Variants in KCNMA1 observed in about 807,000 individuals in gnomAD.
The protein encoded by KCNMA1 is Calcium-activated potassium channel subunit alpha-1.
KCNMA1 carries 29 observed loss-of-function variants against 140.0 expected under a neutral mutation model. The ratio of observed to expected loss-of-function variants is 0.21; its 90% CI spans 0.15 to 0.28. The LOEUF (loss-of-function observed/expected upper bound fraction) is 0.28. Ranked by LOEUF, KCNMA1 falls within the 10% of genes least tolerant of loss-of-function variation. KCNMA1 has a pLI of 1.00. For missense variants in KCNMA1, 880 were observed against 1,602.2 expected, an observed-to-expected ratio of 0.55 and a Z score of 7.70; for synonymous variants, 612 against 611.9, an observed-to-expected ratio of 1.00 and a Z score of 0.00.
chr10:77,488,515 C>T (rs1432898073), intron 1 of KCNMA1, among the ~76,000 whole-genome samples: 2 of 152,212 alleles, frequency 1.3e-5, no homozygotes, highest in African/African-American at 4.8e-5. Context: ...GCTGAGCCAG[C>T]ATCCCCTTCT....
intron 15 of KCNMA1, among the ~76,000 whole-genome samples, chr10:77,034,364 C>T (rs1329755958): frequency 1.3e-5 from 2 of 152,128 alleles, no homozygotes; most frequent in Admixed American, 1.3e-4. Flanking sequence ...CTGGTTTCTG[C>T]TCCATGTTCA....
chr10:77,441,507 AT>A (rs2097399166), intron 1 of KCNMA1, among the ~76,000 whole-genome samples: 1 of 152,130 alleles, frequency 6.6e-6, no homozygotes, highest in Admixed American at 6.5e-5. Context: ...GGACTTTAGA[AT>A]TTGGCACTCT....
intron 2 of KCNMA1, among the ~76,000 whole-genome samples, chr10:77,389,938 G>A (rs2154441708): frequency 6.6e-6 from 1 of 152,276 alleles, no homozygotes; most frequent in African/African-American, 2.4e-5. Context: ...GCCATGCAGA[G>A]ACACCCCTTG....
chr10:77,006,308 A>G (rs2088596697), intron 18 of KCNMA1, among the ~76,000 whole-genome samples: 1 of 152,192 alleles, frequency 6.6e-6, no homozygotes, highest in Admixed American at 6.5e-5. Context: ...AACATCTGCC[A>G]TTCAATCAAT....
rs954490435 is a variant in KCNMA1, at chr10:76,899,725, C to T, written c.3148-8006G>A. Among the ~76,000 whole-genome samples the T allele has an allele frequency of 2.0e-5, 3 of 152,014 alleles. No individual in the cohort carries two copies. The East Asian group carries it at 5.8e-4, about 29-fold the overall frequency. ...CATACCACAGGGAAGGGATTTTACT[C>T]AATGAATGATTTGGGGGAAACTGGC... On this transcript the variant is annotated intron_variant, in intron 25 of 27. Transcript: ENST00000286628.
At chr10:77,305,970 C>A (rs1274919118) in intron 2 of KCNMA1, among the ~76,000 whole-genome samples, 1 of 152,220 alleles carries the variant, frequency 6.6e-6, no homozygotes, top group East Asian at 1.9e-4. Context: ...GAAACAGTTT[C>A]TTCTGCTACG....
intron 14 of KCNMA1, among the ~76,000 whole-genome samples, chr10:77,052,583 G>A (rs2095408534): frequency 1.3e-5 from 2 of 148,398 alleles, no homozygotes; most frequent in Admixed American, 1.4e-4. Flanking sequence ...ATTTTGAATG[G>A]ATACCTAGCA....
intron 25 of KCNMA1, among the ~76,000 whole-genome samples, chr10:76,893,285 A>C (rs758032627): frequency 1.3e-5 from 2 of 152,186 alleles, no homozygotes; most frequent in Non-Finnish European, 2.9e-5. Flanking sequence ...TTTTGGCCTC[A>C]TATCAGAGAC....
intron 5 of KCNMA1, among the ~76,000 whole-genome samples, chr10:77,122,182 C>T (rs919828300): frequency 2.6e-5 from 4 of 152,056 alleles, no homozygotes; most frequent in Admixed American, 6.5e-5. Flanking sequence ...TAACTGCACG[C>T]AACGTGGAGC....
At chr10:77,501,619 C>A (rs967478243) in intron 1 of KCNMA1, among the ~76,000 whole-genome samples, 5 of 152,154 alleles carry the variant, frequency 3.3e-5, no homozygotes, top group African/African-American at 1.2e-4. Flanking sequence ...ATTCCTCCTC[C>A]CCCTGGCAAG....
At chr10:77,221,357 AT>A (rs2049604537) in intron 3 of KCNMA1, among the ~76,000 whole-genome samples, 1 of 152,196 alleles carries the variant, frequency 6.6e-6, no homozygotes, top group South Asian at 2.1e-4. Context: ...CTAGGCCTAA[AT>A]AATCCATAGA....
chr10:76,974,585 TA>T, intron 19 of KCNMA1: 1 of 1,517,970 alleles, frequency 6.6e-7, no homozygotes, highest in Non-Finnish European at 8.9e-7. Flanking sequence ...TGCCAAACAA[TA>T]AGGAGAAAAG....
chr10:77,608,674 T>C (rs1227082563), intron 1 of KCNMA1, among the ~76,000 whole-genome samples: 1 of 152,178 alleles, frequency 6.6e-6, no homozygotes, highest in Non-Finnish European at 1.5e-5. Context: ...GCAGGGACCT[T>C]GGTTGTCCTG....
chr10:76,931,500 C>T (rs775275826), intron 23 of KCNMA1, among the ~76,000 whole-genome samples: 1 of 147,696 alleles, frequency 6.8e-6, no homozygotes, highest in Non-Finnish European at 1.5e-5. Flanking sequence ...GGCTGAGACC[C>T]AAAATTACTG....
chr10:77,236,798 C>T (rs1039585079), intron 3 of KCNMA1, among the ~76,000 whole-genome samples: 1 of 152,184 alleles, frequency 6.6e-6, no homozygotes, highest in African/African-American at 2.4e-5. Context: ...TGATCAATCT[C>T]ATGTTTTATT....
intron 3 of KCNMA1, among the ~76,000 whole-genome samples, chr10:77,215,126 C>G (rs1181069471): frequency 6.6e-6 from 1 of 152,056 alleles, no homozygotes; most frequent in African/African-American, 2.4e-5. Flanking sequence ...CCCAGTGCAG[C>G]CCCTCCCTTC....
chr10:77,218,209 G>T (rs1451812978), intron 3 of KCNMA1, among the ~76,000 whole-genome samples: 4 of 152,062 alleles, frequency 2.6e-5, no homozygotes, highest in Admixed American at 6.5e-5. Flanking sequence ...GACTCCCATG[G>T]CCTCCTTGCA....
At chr10:77,266,807 A>G (rs1272038545) in intron 2 of KCNMA1, among the ~76,000 whole-genome samples, 1 of 152,194 alleles carries the variant, frequency 6.6e-6, no homozygotes, top group Non-Finnish European at 1.5e-5. Context: ...TGGAAAGGGT[A>G]TCAATCATGG....
intron 25 of KCNMA1, among the ~76,000 whole-genome samples, chr10:76,897,315 G>C (rs2043008122): frequency 6.6e-6 from 1 of 151,266 alleles, no homozygotes; most frequent in Non-Finnish European, 1.5e-5. Flanking sequence ...AGTTAATGTG[G>C]CCAACTCCTA....
Sources: gnomAD v4.1 joint callset for allele counts (sites outside exome capture counted in the v4.1 genomes callset) on GRCh38, gnomAD v4.1.1 for gene constraint, MANE v1.5 for transcripts, NCBI Gene and HGNC (gene_info 2026-07-23, HGNC 2026-07-21) for gene names.